The following RUFY3 variants were observed in gnomAD, a reference collection of about 807,000 sequenced individuals.
The protein encoded by RUFY3 is protein RUFY3.
A neutral mutation model predicts 84.0 loss-of-function variants in RUFY3; 34 were observed. The observed-to-expected ratio is 0.40, with a 90% CI of 0.31 to 0.54. RUFY3 has a LOEUF of 0.54. RUFY3 is among the 20% of genes least tolerant of loss of function. The pLI is 0.39. For synonymous variants in RUFY3, 242 were observed against 252.9 expected, an observed-to-expected ratio of 0.96 and a Z score of 0.41; for missense variants, 507 against 736.8, an observed-to-expected ratio of 0.69 and a Z score of 3.61.
rs774500331 is a variant in RUFY3 at position 70,804,348 on chromosome 4, G to A, written c.1651G>A (p.Asp551Asn). ...RLQPHPMDEQ[D>N]QLLLSEKPQL... ...CTAACCAGCTCCCTGTGTGGTTTAG[G>A]ATCAGCTGCTGCTCTCTGAAAAGCC... The change falls in exon 17 of 18, where the codon GAT becomes AAT. Residue 551 changes from aspartate to asparagine, a missense_variant and splice_region_variant. By Grantham distance (23) the Asp-to-Asn change is conservative. Coordinates refer to ENST00000381006, the MANE Select transcript of RUFY3 (RefSeq NM_001037442.4). The A allele has an allele frequency of 6.2e-7, 1 of 1,613,792 alleles. No homozygotes were observed.
chr4:70,718,175 A>G (rs111981906), upstream of RUFY3, among the ~76,000 whole-genome samples: 15,042 of 152,004 alleles, frequency 0.099, 1,600 homozygotes, highest in African/African-American at 0.27. Context: ...GAGCCACCGC[A>G]CCCAGCCCTT....
chr4:70,718,514 C>T (rs1741894367), upstream of RUFY3, among the ~76,000 whole-genome samples: 1 of 152,142 alleles, frequency 6.6e-6, no homozygotes, highest in Admixed American at 6.5e-5. Flanking sequence ...CCACCCGCCT[C>T]ACAACCATCT....
chr4:70,709,203 T>C (rs562147312), intron 1 of RUFY3, among the ~76,000 whole-genome samples: 1 of 152,362 alleles, frequency 6.6e-6, no homozygotes, highest in African/African-American at 2.4e-5. Flanking sequence ...ATGTGCCTTG[T>C]TGAGGATTAT....
chr4:70,792,687 C>G, intron 12 of RUFY3: 1 of 984,926 alleles, frequency 1.0e-6, no homozygotes, highest in African/African-American at 1.8e-5. Context: ...TCTTAAAATT[C>G]TTTATCTTTT....
chr4:70,760,701 G>A (rs1388517450), intron 1 of RUFY3, among the ~76,000 whole-genome samples: 1 of 152,090 alleles, frequency 6.6e-6, no homozygotes, highest in Non-Finnish European at 1.5e-5. Flanking sequence ...CCTCTTGTGA[G>A]AATACTACCC....
In RUFY3 at chr4:70,756,944, T is replaced by C. The variant is rs1724120974; in HGVS notation, c.179-5575T>C. On this transcript the variant is annotated intron_variant, in intron 1 of 17. Coordinates refer to ENST00000381006, the MANE Select transcript of RUFY3 (RefSeq NM_001037442.4). Reference sequence around the variant, plus strand: ...GAAATGTAGAAAACTAACATTTCCATAGAATAGGTTTATGTCATTTAACAA... The same window carrying C: ...GAAATGTAGAAAACTAACATTTCCACAGAATAGGTTTATGTCATTTAACAA... Among the ~76,000 whole-genome samples, 5 of 152,086 alleles carry C rather than the reference T, an allele frequency of 3.3e-5. No homozygotes were observed. The South Asian group carries it at 1.0e-3, about 32-fold the overall frequency.
intron 8 of RUFY3, 79 bp from the exon 9 acceptor site, chr4:70,783,012 A>T (rs540938359): frequency 3.2e-4 from 261 of 818,848 alleles, no homozygotes; most frequent in Non-Finnish European, 4.8e-4. Context: ...TGAGAATTAC[A>T]TCCTAGCAGA....
At chr4:70,734,954 A>G (rs999085284) in intron 1 of RUFY3, among the ~76,000 whole-genome samples, 3 of 152,040 alleles carry the variant, frequency 2.0e-5, no homozygotes, top group Non-Finnish European at 4.4e-5. Flanking sequence ...ACTCACATTA[A>G]CTCTTCTTTG....
intron 17 of RUFY3, among the ~76,000 whole-genome samples, 172 bp from the exon 18 acceptor site, chr4:70,806,344 G>A (rs140759549): frequency 2.0e-5 from 3 of 152,196 alleles, no homozygotes; most frequent in Admixed American, 6.5e-5. Context: ...AAAACTAGAC[G>A]GTGAACTTTT....
intron 1 of RUFY3, among the ~76,000 whole-genome samples, chr4:70,753,030 C>T (rs1723384790): frequency 6.6e-6 from 1 of 152,018 alleles, no homozygotes; most frequent in African/African-American, 2.4e-5. Flanking sequence ...TGGTCCTGGC[C>T]TCCTCTGTAT....
intron 4 of RUFY3, among the ~76,000 whole-genome samples, chr4:70,767,878 C>T (rs972570921): frequency 2.0e-5 from 3 of 152,062 alleles, no homozygotes; most frequent in African/African-American, 7.2e-5. Flanking sequence ...GGGGTTTCAC[C>T]ATGTTGGCCA....
Position 70,806,524 on chromosome 4 carries a change from T to A in RUFY3, c.1728T>A (p.Cys576Ter), listed in dbSNP as rs780089980. 1 of 1,614,008 alleles carries A rather than the reference T, an allele frequency of 6.2e-7. No individual in the cohort carries two copies. Among genetic ancestry groups the A allele is most frequent in the East Asian group, 2.2e-5 (1 of 44,892 alleles). ...ACCTCCTCTTCTCATAGAATGTGTGTAAGAACTGCAGCGGAACCTTCTGTG... is the reference window on the plus strand; with the variant it reads ...ACCTCCTCTTCTCATAGAATGTGTGAAAGAACTGCAGCGGAACCTTCTGTG... Reference protein sequence around the residue: ...QEDGSLTKNVCKNCSGTFCDA... With the variant: ...QEDGSLTKNV The change falls in exon 18 of 18, where the codon TGT (cysteine) becomes TGA (stop). Residue 576 changes from cysteine (C) to a stop codon, truncating the protein, a stop_gained. Transcript: ENST00000381006. LOFTEE classifies it low-confidence loss of function (END_TRUNC).
rs371428495 is a variant in RUFY3, at chr4:70,804,402, G to A, written c.1705G>A (p.Gly569Ser). The A allele has an allele frequency of 8.7e-6, 14 of 1,613,704 alleles. No individual in the cohort carries two copies. The highest frequency in any genetic ancestry group is 1.3e-5 in the African/African-American group (1 of 74,864). Residue 569 changes from glycine to serine, a missense_variant, in exon 17 of 18, where the codon GGC becomes AGC. Gly to Ser is a moderately conservative substitution (Grantham distance 56). Transcript: ENST00000381006. ...GTTGTGTCAGCTATGCCAGGAAGAC[G>A]GCAGCCTAACAAAGGTAACTGTGAT... ...PQLCQLCQED[G>S]SLTKNVCKNC...
Position 70,807,393 on chromosome 4 carries a change from A to ACT in RUFY3, c.*737_*738dup, listed in dbSNP as rs1375598068. ...GAATCTCCTTCCACAAAACAAGCCAACTCTTCCCCATTCCCTCCATCTTCC... is the reference window on the plus strand; with the variant it reads ...GAATCTCCTTCCACAAAACAAGCCAACTCTCTTCCCCATTCCCTCCATCTTCC... On this transcript the variant is annotated 3_prime_UTR_variant, in exon 18 of 18. Coordinates refer to ENST00000381006, the MANE Select transcript of RUFY3 (RefSeq NM_001037442.4). 1 of 152,072 alleles carries ACT rather than the reference A, an allele frequency of 6.6e-6. No homozygotes were observed. The highest frequency in any genetic ancestry group is 1.5e-5 in the Non-Finnish European group (1 of 68,012). The allele number at this position is 152,072 out of a possible 1,614,324, so 9.4% of individuals were successfully genotyped here.
chr4:70,729,263 T>C (rs1718807115), intron 1 of RUFY3, among the ~76,000 whole-genome samples: 1 of 152,090 alleles, frequency 6.6e-6, no homozygotes, highest in South Asian at 2.1e-4. Context: ...TTGAGTTTTT[T>C]TGTTTTTTTT....
intron 12 of RUFY3, chr4:70,791,526 C>G (rs1210304842): frequency 7.4e-7 from 1 of 1,345,488 alleles, no homozygotes; most frequent in Admixed American, 3.6e-5. Flanking sequence ...TAATTAAAAG[C>G]TGAATAAACT....
chr4:70,736,176 A>G (rs1031244570), intron 1 of RUFY3, among the ~76,000 whole-genome samples: 2 of 151,952 alleles, frequency 1.3e-5, no homozygotes, highest in East Asian at 3.9e-4. Flanking sequence ...AAAAGAAAAG[A>G]AAAGGAAAGA....
At chr4:70,804,761 C>CAAAAA (rs1186156048) in intron 17 of RUFY3, among the ~76,000 whole-genome samples, 1 of 76,848 alleles carries the variant, frequency 1.3e-5, no homozygotes. Flanking sequence ...ACTAAAAATA[C>CAAAAA]AAAAAAAAAA....
intron 1 of RUFY3, among the ~76,000 whole-genome samples, chr4:70,736,073 G>T (rs1720230172): frequency 6.6e-6 from 1 of 150,968 alleles, no homozygotes; most frequent in Middle Eastern, 3.2e-3. Context: ...AAGATTACTT[G>T]AGCTCAGCAG....
Sources: allele counts gnomAD v4.1 joint callset (sites outside exome capture counted in the v4.1 genomes callset), GRCh38; gene constraint gnomAD v4.1.1; transcripts MANE v1.5; gene names NCBI Gene and HGNC (gene_info 2026-07-23, HGNC 2026-07-21).